The following AOAH variants were observed in gnomAD, a reference collection of about 807,000 sequenced individuals.
The protein encoded by AOAH is acyloxyacyl hydrolase (neutrophil).
Under a neutral mutation model 92.2 loss-of-function variants are expected in AOAH, and 64 were observed. That is an observed-to-expected ratio of 0.69 (90% CI 0.57 to 0.86). The LOEUF is 0.86. AOAH is among the 40% of genes least tolerant of loss of function. The pLI, the probability that AOAH is intolerant of heterozygous loss-of-function variation, is 0.00. For missense variants in AOAH, 656 were observed against 694.6 expected (o/e 0.94, Z 0.62); for synonymous variants, 263 against 254.5 (o/e 1.03, Z -0.32).
rs1456116174 is a variant in AOAH at position 36,724,073 on chromosome 7, C to T, written c.76G>A (p.Ala26Thr). The T allele has an allele frequency of 3.7e-6, 6 of 1,613,586 alleles. No homozygotes were observed. Among genetic ancestry groups the T allele is most frequent in the Non-Finnish European group, 4.2e-6 (5 of 1,179,766 alleles). ...LLSLQSSASP[A>T]NDDQSRPSLS... is the part of the protein sequence containing the mutation. ...CTGGGCCTGGACTGGTCATCGTTGG[C>T]TGGAGAGGCCGAGGACTGAAGAGAC... The change falls in exon 1 of 21, where the codon GCC becomes ACC. Residue 26 changes from alanine to threonine, a missense_variant. Physicochemically the swap from Ala to Thr is moderately conservative, Grantham distance 58 (BLOSUM62 0). Coordinates refer to ENST00000617537, the MANE Select transcript of AOAH (RefSeq NM_001637.4).
intron 20 of AOAH, among the ~76,000 whole-genome samples, chr7:36,517,200 T>TTC (rs1783793590): frequency 4.3e-5 from 3 of 70,236 alleles, no homozygotes; most frequent in African/African-American, 1.5e-4. Context: ...CTTTCTTTCT[T>TTC]TCTTTCTTTC....
chr7:36,585,881 C>T (rs1789289516), intron 12 of AOAH, among the ~76,000 whole-genome samples: 1 of 152,108 alleles, frequency 6.6e-6, no homozygotes, highest in Non-Finnish European at 1.5e-5. Context: ...ACTTTATACA[C>T]ATTAATTTTT....
At chr7:36,559,577 C>T (rs769418593) in intron 13 of AOAH, among the ~76,000 whole-genome samples, 4 of 151,658 alleles carry the variant, frequency 2.6e-5, no homozygotes, top group Non-Finnish European at 5.9e-5. Context: ...TGTCTTTTGC[C>T]CATTTTTTTA....
intron 20 of AOAH, among the ~76,000 whole-genome samples, 161 bp from the exon 21 acceptor site, chr7:36,513,541 A>T (rs1583695466): frequency 6.6e-6 from 1 of 152,164 alleles, no homozygotes; most frequent in Non-Finnish European, 1.5e-5. Context: ...TGGCGGTGGG[A>T]CCTATCACTT....
At chr7:36,616,267 GC>G (rs1791871771) in intron 11 of AOAH, 112 bp downstream of exon 11, 3 of 825,050 alleles carry the variant, frequency 3.6e-6, no homozygotes, top group Admixed American at 4.2e-5. Flanking sequence ...GGCAGATTTT[GC>G]TAAAGAGGGA....
chr7:36,646,402 T>C (rs1794225320), intron 4 of AOAH, among the ~76,000 whole-genome samples: 1 of 152,232 alleles, frequency 6.6e-6, no homozygotes, highest in Non-Finnish European at 1.5e-5. Context: ...TCTTATTCTT[T>C]ACACAAATAA....
chr7:36,637,693 G>A (rs1217594996), intron 5 of AOAH, among the ~76,000 whole-genome samples, 158 bp downstream of exon 5: 2 of 152,212 alleles, frequency 1.3e-5, no homozygotes, highest in African/African-American at 4.8e-5. Context: ...GGAAACACAA[G>A]TGGAAGCAGT....
rs545992317 is a variant in AOAH, at chr7:36,651,865, A to G, written c.390+7301T>C. ...CTGGGTTAAAATTAGAGATATCAGT[A>G]TGAGCTCACATCCACATACACACAC... On this transcript the variant is annotated intron_variant, in intron 4 of 20. Transcript: ENST00000617537. Among the ~76,000 whole-genome samples the G allele has an allele frequency of 3.1e-3, 474 of 152,290 alleles. 5 individuals carry two copies. Among genetic ancestry groups the G allele is most frequent in the African/African-American group, 0.011 (456 of 41,578 alleles).
intron 10 of AOAH, among the ~76,000 whole-genome samples, chr7:36,617,717 G>C (rs1040151076): frequency 2.0e-5 from 3 of 152,254 alleles, no homozygotes; most frequent in African/African-American, 7.2e-5. Context: ...AATGTGTGGG[G>C]TGGTGAGGTT....
At position 36,522,118 on chromosome 7, in the gene AOAH, G is replaced by A. The variant is rs749277963; in HGVS notation, c.1523-3C>T. On this transcript the variant is annotated splice_region_variant and splice_polypyrimidine_tract_variant and intron_variant, in intron 19 of 20. Transcript: ENST00000617537. ...TCTCTTCTGCCACTCCTGTATGACT[G>A]CAGGGCACATAACGAGAGGGTTACA... is the stretch of plus-strand genomic sequence containing the variant. 1.9e-6 allele frequency: 3 copies of A among 1,613,836 alleles called. No individual in the cohort carries two copies. Among genetic ancestry groups the A allele is most frequent in the South Asian group, 1.1e-5 (1 of 91,072 alleles).
chr7:36,551,832 T>A (rs1004456517), intron 13 of AOAH, among the ~76,000 whole-genome samples: 2 of 152,208 alleles, frequency 1.3e-5, no homozygotes, highest in Non-Finnish European at 2.9e-5. Context: ...TGTAATACTA[T>A]GTTTAATTTT....
At chr7:36,716,504 C>T (rs1421338411) in intron 1 of AOAH, among the ~76,000 whole-genome samples, 2 of 149,340 alleles carry the variant, frequency 1.3e-5, no homozygotes, top group East Asian at 4.0e-4. Context: ...TATCATGCTG[C>T]TATAAAGACA....
chr7:36,531,446 A>G (rs1318003957), intron 18 of AOAH, among the ~76,000 whole-genome samples: 1 of 152,144 alleles, frequency 6.6e-6, no homozygotes, highest in Non-Finnish European at 1.5e-5. Context: ...TCCTGGGTTC[A>G]AGTGATTCTC....
intron 3 of AOAH, among the ~76,000 whole-genome samples, chr7:36,665,148 C>T (rs1005447875): frequency 1.3e-5 from 2 of 152,164 alleles, no homozygotes; most frequent in Non-Finnish European, 1.5e-5. Context: ...GACATCTTGA[C>T]AGTATTGATT....
chr7:36,530,270 A>G, intron 19 of AOAH, 148 bp downstream of exon 19: 1 of 590,034 alleles, frequency 1.7e-6, no homozygotes, highest in South Asian at 2.2e-5. Context: ...TTTTTTCAAT[A>G]CTGAGAGCTA....
chr7:36,601,922 T>A (rs1790639301), intron 11 of AOAH, among the ~76,000 whole-genome samples: 1 of 152,212 alleles, frequency 6.6e-6, no homozygotes, highest in African/African-American at 2.4e-5. Flanking sequence ...ACACCAAGTA[T>A]TACAGTTACA....
intron 10 of AOAH, among the ~76,000 whole-genome samples, chr7:36,617,093 A>C (rs1791955401): frequency 6.6e-6 from 1 of 152,202 alleles, no homozygotes; most frequent in African/African-American, 2.4e-5. Flanking sequence ...TAAGATCCTG[A>C]AAGACTGAAT....
At chr7:36,681,153 C>T (rs1030426839) in intron 2 of AOAH, among the ~76,000 whole-genome samples, 4 of 152,180 alleles carry the variant, frequency 2.6e-5, no homozygotes, top group Non-Finnish European at 4.4e-5. Flanking sequence ...CCAGTTAAAA[C>T]AAAGCTTAAT....
intron 4 of AOAH, 50 bp from the exon 5 acceptor site, chr7:36,637,960 T>C: frequency 7.0e-7 from 1 of 1,435,446 alleles, no homozygotes. Context: ...TATCTTTTCT[T>C]CCTACATCTT....
Sources: allele counts gnomAD v4.1 joint callset (sites outside exome capture counted in the v4.1 genomes callset), GRCh38; gene constraint gnomAD v4.1.1; transcripts MANE v1.5; gene names NCBI Gene and HGNC (gene_info 2026-07-23, HGNC 2026-07-21).